Variants in MAP2K5 observed in about 807,000 individuals in gnomAD.
MAP2K5 encodes mitogen-activated protein kinase kinase 5.
A neutral mutation model predicts 83.1 loss-of-function variants in MAP2K5; 49 were observed. The ratio of observed to expected loss-of-function variants is 0.59; its 90% CI spans 0.47 to 0.75. MAP2K5 has a LOEUF of 0.75. MAP2K5 is among the 30% of genes least tolerant of loss of function. MAP2K5 has a pLI of 0.00. For missense variants in MAP2K5, 457 were observed against 557.5 expected, an observed-to-expected ratio of 0.82 and a Z score of 1.82; for synonymous variants, 202 against 191.8, an observed-to-expected ratio of 1.05 and a Z score of -0.44.
intron 11 of MAP2K5, among the ~76,000 whole-genome samples, chr15:67,649,014 G>A (rs369408206): frequency 4.5e-4 from 69 of 152,148 alleles, no homozygotes; most frequent in African/African-American, 1.4e-3. Context: ...TACCAGCACT[G>A]TATAAGGTTC....
intron 15 of MAP2K5, 96 bp from the exon 16 acceptor site, chr15:67,703,241 G>T (rs979346570): frequency 6.1e-6 from 5 of 819,378 alleles, no homozygotes; most frequent in Admixed American, 2.0e-5. Flanking sequence ...CTATGCAGAT[G>T]TTGGTGGCTC....
chr15:67,727,488 A>T (rs1228143320), intron 16 of MAP2K5, among the ~76,000 whole-genome samples: 1 of 152,154 alleles, frequency 6.6e-6, no homozygotes, highest in Non-Finnish European at 1.5e-5. Context: ...TCCATTCCCC[A>T]CTTCCTACTA....
intron 2 of MAP2K5, among the ~76,000 whole-genome samples, chr15:67,554,455 C>T (rs2084584190): frequency 6.6e-6 from 1 of 152,094 alleles, no homozygotes; most frequent in Non-Finnish European, 1.5e-5. Flanking sequence ...AATTAAGCAA[C>T]AAGAGATAGG....
chr15:67,620,085 T>C (rs532846596), intron 8 of MAP2K5, among the ~76,000 whole-genome samples: 1 of 152,032 alleles, frequency 6.6e-6, no homozygotes, highest in African/African-American at 2.4e-5. Context: ...AAAAATATAC[T>C]AGTAGGCCAT....
intron 17 of MAP2K5, among the ~76,000 whole-genome samples, chr15:67,729,381 A>G (rs2089171825): frequency 6.6e-6 from 1 of 152,208 alleles, no homozygotes; most frequent in Non-Finnish European, 1.5e-5. Flanking sequence ...CATCCAGTAA[A>G]AATTCCAAAG....
chr15:67,797,831 C>T (rs560853582), intron 21 of MAP2K5, among the ~76,000 whole-genome samples: 48 of 152,086 alleles, frequency 3.2e-4, no homozygotes, highest in Non-Finnish European at 4.9e-4. Context: ...TACAGGCATG[C>T]GCCACCACAC....
chr15:67,660,385 G>A (rs2087207127), intron 12 of MAP2K5, among the ~76,000 whole-genome samples: 1 of 152,028 alleles, frequency 6.6e-6, no homozygotes, highest in Non-Finnish European at 1.5e-5. Context: ...GGCACCAGGA[G>A]GGTTGTACTA....
At chr15:67,550,779 T>C (rs1412049536) in intron 2 of MAP2K5, among the ~76,000 whole-genome samples, 3 of 100 alleles carry the variant, frequency 0.03, no homozygotes, top group Non-Finnish European at 0.065. Context: ...TCTTTTTTCT[T>C]TTTTTTTTTT....
Position 67,587,870 on chromosome 15 carries a change from A to G in MAP2K5, c.431+957A>G, listed in dbSNP as rs552776317. On this transcript the variant is annotated intron_variant, in intron 6 of 21. Transcript: ENST00000178640. The surrounding 1 kb of genome is among the most constrained non-coding windows in gnomAD (Gnocchi z 4.8). ...AGTGCCACACCCTGTCAGTCCCCAC[A>G]CTTGTGGGTTCTACCTTCTGAGTAG... is the stretch of plus-strand genomic sequence containing the variant. Among the ~76,000 whole-genome samples, 2 of 152,106 alleles carry G rather than the reference A, an allele frequency of 1.3e-5. No individual in the cohort carries two copies. Among genetic ancestry groups the G allele is most frequent in the African/African-American group, 4.8e-5 (2 of 41,500 alleles).
chr15:67,584,039 A>G (rs1273258724), intron 4 of MAP2K5, among the ~76,000 whole-genome samples: 1 of 152,114 alleles, frequency 6.6e-6, no homozygotes, highest in African/African-American at 2.4e-5. Context: ...ATGAGCCACC[A>G]TGCCTGGCCA....
chr15:67,575,803 C>A (rs576546667), intron 3 of MAP2K5, among the ~76,000 whole-genome samples: 1 of 152,120 alleles, frequency 6.6e-6, no homozygotes, highest in East Asian at 1.9e-4. Flanking sequence ...ATATGTAGTG[C>A]TGAGCCTAAC....
intron 16 of MAP2K5, among the ~76,000 whole-genome samples, chr15:67,726,953 C>T (rs774403827): frequency 3.9e-5 from 6 of 152,200 alleles, no homozygotes; most frequent in Non-Finnish European, 8.8e-5. Context: ...AATCCCAGCA[C>T]TTTGGGAGGC....
At position 67,806,660 on chromosome 15, in the gene MAP2K5, C is replaced by CGTGCAGTTCAATGATGGAA. The variant is rs1566971053; in HGVS notation, c.1258_1276dup (p.Asn426SerfsTer5). ...CTTCCCCGCAGGGCCACCCGTTCAT[C>CGTGCAGTTCAATGATGGAA]GTGCAGTTCAATGATGGAAATGCCG... On this transcript the variant is annotated frameshift_variant, in exon 22 of 22. Transcript: ENST00000178640. LOFTEE classifies it high-confidence loss of function. 1 of 1,550,990 alleles carries CGTGCAGTTCAATGATGGAA rather than the reference C, an allele frequency of 6.4e-7. No individual in the cohort carries two copies. Among genetic ancestry groups the CGTGCAGTTCAATGATGGAA allele is most frequent in the Non-Finnish European group, 8.7e-7 (1 of 1,147,052 alleles).
chr15:67,587,605 A>G lies in MAP2K5; in HGVS notation c.431+692A>G, dbSNP rs1281924958. Among the ~76,000 whole-genome samples the G allele has an allele frequency of 6.6e-6, 1 of 152,160 alleles. No individual in the cohort carries two copies. Among genetic ancestry groups the G allele is most frequent in the Non-Finnish European group, 1.5e-5 (1 of 68,026 alleles). On this transcript the variant is annotated intron_variant, in intron 6 of 21. Transcript: ENST00000178640. This position sits in a 1 kb window ranked among gnomAD's most constrained non-coding sequence, Gnocchi z 4.8. ...AGCTCCTTCCCTTTTTTACTTGGCT[A>G]CATCTCAGAAGGCTCTTTTTTGTGA...
chr15:67,699,739 T>A (rs2088365154), intron 15 of MAP2K5, among the ~76,000 whole-genome samples: 1 of 152,124 alleles, frequency 6.6e-6, no homozygotes, highest in Non-Finnish European at 1.5e-5. Context: ...GGCAGCAGAA[T>A]CAGATGCATA....
chr15:67,546,588 A>G, intron 1 of MAP2K5: 1 of 985,574 alleles, frequency 1.0e-6, no homozygotes, highest in Non-Finnish European at 1.2e-6. Flanking sequence ...CCTCAAAGGT[A>G]GAGACATTTG....
At chr15:67,707,246 T>G (rs2088578479) in intron 16 of MAP2K5, among the ~76,000 whole-genome samples, 1 of 152,088 alleles carries the variant, frequency 6.6e-6, no homozygotes, top group African/African-American at 2.4e-5. Flanking sequence ...GTCAATATAA[T>G]GAGAACATTA....
intron 1 of MAP2K5, among the ~76,000 whole-genome samples, chr15:67,548,693 T>C (rs2084445159): frequency 6.6e-6 from 1 of 152,234 alleles, no homozygotes; most frequent in Non-Finnish European, 1.5e-5. Context: ...TGCTTTATTC[T>C]GTACTCCCTT....
At chr15:67,549,014 T>C (rs775403569) in intron 1 of MAP2K5, 91 of 1,432,800 alleles carry the variant, frequency 6.4e-5, no homozygotes, top group Non-Finnish European at 8.3e-5. Flanking sequence ...GCAGCCACTC[T>C]GCTAAGTGCC....
Sources: allele counts gnomAD v4.1 joint callset (sites outside exome capture counted in the v4.1 genomes callset), GRCh38; gene constraint gnomAD v4.1.1; non-coding constraint Gnocchi (gnomAD v3.1); transcripts MANE v1.5; gene names NCBI Gene and HGNC (gene_info 2026-07-23, HGNC 2026-07-21).